SEMA3A: variants seen among roughly 807,000 people sequenced by gnomAD.
SEMA3A encodes the protein semaphorin-3A.
A neutral mutation model predicts 97.9 loss-of-function variants in SEMA3A; 29 were observed. The ratio of observed to expected loss-of-function variants is 0.30; its 90% confidence interval spans 0.22 to 0.40. The LOEUF (loss-of-function observed/expected upper bound fraction) is 0.40, where lower values mean the gene tolerates loss of function less well. SEMA3A is among the 10% of genes least tolerant of loss of function. SEMA3A has a pLI of 1.00. For synonymous variants in SEMA3A, 321 were observed against 323.7 expected (o/e 0.99, Z 0.09); for missense variants, 763 against 951.3 (o/e 0.80, Z 2.60).
At chr7:84,123,131 T>C (rs1028625293) in intron 3 of SEMA3A, among the ~76,000 whole-genome samples, 2 of 152,148 alleles carry the variant, frequency 1.3e-5, no homozygotes, top group Non-Finnish European at 2.9e-5. Flanking sequence ...CAGAGAGCTA[T>C]TGATTCAAAA....
rs146896708 is a variant in SEMA3A at position 84,483,693 on chromosome 7, T to C, written c.-246+8767A>G. Among the ~76,000 whole-genome samples, 443 of 152,058 alleles carry C rather than the reference T, an allele frequency of 2.9e-3. 1 individual carries two copies. The highest frequency in any genetic ancestry group is 0.01 in the African/African-American group (425 of 41,468). On this transcript the variant is annotated intron_variant, in intron 1 of 3. Transcript: ENST00000424555. ...ATGGTAGTCTTTTGAGTCTAGTTGTTAAGGAAAGTTTTCAAAGACTTTGAG... is the reference window on the plus strand; with the variant it reads ...ATGGTAGTCTTTTGAGTCTAGTTGTCAAGGAAAGTTTTCAAAGACTTTGAG...
chr7:84,142,224 C>T (rs1480462847), intron 1 of SEMA3A, among the ~76,000 whole-genome samples: 1 of 152,154 alleles, frequency 6.6e-6, no homozygotes, highest in African/African-American at 2.4e-5. Context: ...TCAACAAAAA[C>T]ACATTTAGTC....
intron 3 of SEMA3A, among the ~76,000 whole-genome samples, chr7:84,128,863 C>T (rs1241035990): frequency 2.0e-5 from 3 of 152,070 alleles, no homozygotes; most frequent in African/African-American, 4.8e-5. Context: ...AATGCAGACA[C>T]ACAGCACAGT....
intron 4 of SEMA3A, among the ~76,000 whole-genome samples, chr7:84,068,541 C>T (rs73378824): frequency 0.014 from 2,159 of 151,534 alleles, 36 homozygotes; most frequent in African/African-American, 0.038. Context: ...TATGTATATG[C>T]GACTATATAT....
chr7:84,128,571 C>T (rs1444302356), intron 3 of SEMA3A, among the ~76,000 whole-genome samples: 1 of 152,100 alleles, frequency 6.6e-6, no homozygotes, highest in Non-Finnish European at 1.5e-5. Flanking sequence ...CTTATTTTTA[C>T]ATACATTCTA....
intron 1 of SEMA3A, among the ~76,000 whole-genome samples, chr7:84,167,844 A>G (rs1780142820): frequency 1.3e-5 from 2 of 152,124 alleles, no homozygotes; most frequent in Non-Finnish European, 2.9e-5. Context: ...TAATATTGAG[A>G]CTAATTTGAT....
intron 3 of SEMA3A, among the ~76,000 whole-genome samples, chr7:84,302,204 G>T (rs976333792): frequency 7.9e-5 from 12 of 151,908 alleles, no homozygotes. Context: ...TTATTTATAT[G>T]AAATACAAAT....
chr7:83,996,840 G>C (rs1790243208), intron 12 of SEMA3A, among the ~76,000 whole-genome samples: 1 of 152,036 alleles, frequency 6.6e-6, no homozygotes, highest in African/African-American at 2.4e-5. Flanking sequence ...GACATTTCTA[G>C]AGTCCTGTAC....
At chr7:84,207,425 T>C (rs1798518596) in intron 3 of SEMA3A, among the ~76,000 whole-genome samples, 1 of 152,212 alleles carries the variant, frequency 6.6e-6, no homozygotes, top group South Asian at 2.1e-4. Flanking sequence ...ATTCTATGTA[T>C]TCCATAACCC....
chr7:84,429,516 T>TATATATA (rs1554385262), intron 1 of SEMA3A, among the ~76,000 whole-genome samples: 3 of 72,420 alleles, frequency 4.1e-5, no homozygotes, highest in African/African-American at 2.1e-4. Context: ...ATAGAGTTTG[T>TATATATA]TATATATATA....
At chr7:84,028,654 G>C (rs1791629841) in intron 6 of SEMA3A, among the ~76,000 whole-genome samples, 1 of 152,118 alleles carries the variant, frequency 6.6e-6, no homozygotes, top group Non-Finnish European at 1.5e-5. Context: ...GACCAGGCTG[G>C]AGTGCAGTGG....
chr7:84,459,761 C>A lies in SEMA3A; in HGVS notation c.-246+32699G>T, dbSNP rs548911057. On this transcript the variant is annotated intron_variant, in intron 1 of 3. Transcript: ENST00000424555. ...ATTTAATCCTGGCAGAGCTTGGTGGCTCACACCTGTAATCCCAGAACTCTG... is the reference window on the plus strand; with the variant it reads ...ATTTAATCCTGGCAGAGCTTGGTGGATCACACCTGTAATCCCAGAACTCTG... Among the ~76,000 whole-genome samples the A allele has an allele frequency of 2.0e-5, 3 of 152,276 alleles. No homozygotes were observed. The South Asian group carries it at 6.2e-4, about 32-fold the overall frequency.
chr7:84,028,254 C>A (rs1386633697), intron 6 of SEMA3A, among the ~76,000 whole-genome samples: 3 of 152,004 alleles, frequency 2.0e-5, no homozygotes, highest in African/African-American at 7.2e-5. Flanking sequence ...TAGAAAAATA[C>A]TTTTATGCTT....
At chr7:84,020,720 G>A (rs568350876) in intron 6 of SEMA3A, among the ~76,000 whole-genome samples, 1 of 151,942 alleles carries the variant, frequency 6.6e-6, no homozygotes, top group Non-Finnish European at 1.5e-5. Context: ...AATACCAAAA[G>A]TATTTATATG....
chr7:84,448,162 G>A (rs1007729835), intron 1 of SEMA3A, among the ~76,000 whole-genome samples: 2 of 152,202 alleles, frequency 1.3e-5, no homozygotes, highest in Admixed American at 6.5e-5. Flanking sequence ...CTGCCAGGTC[G>A]AGTTGGAGGA....
At chr7:84,476,644 A>G (rs1425665983) in intron 1 of SEMA3A, among the ~76,000 whole-genome samples, 2 of 152,312 alleles carry the variant, frequency 1.3e-5, no homozygotes, top group South Asian at 2.1e-4. Context: ...AAAATAAGAT[A>G]TTAAAATCTT....
At chr7:84,303,756 A>C (rs1801083928) in intron 3 of SEMA3A, among the ~76,000 whole-genome samples, 1 of 152,188 alleles carries the variant, frequency 6.6e-6, no homozygotes, top group Admixed American at 6.6e-5. Context: ...ATTGTATTAT[A>C]AAATAGCTTT....
In SEMA3A at chr7:84,134,857, C is replaced by T; in HGVS notation, c.207G>A (p.Leu69=). The change falls in exon 2 of 17, where the codon CTG becomes CTA. Residue 69 remains leucine (L), a synonymous_variant. Transcript: ENST00000265362. ...TFLLDEERSR[L]YVGAKDHIFS... is the part of the protein sequence containing the mutation. ...ATATGTGATCCTTTGCTCCAACATA[C>T]AGCCTACTCCGTTCCTCATCCAAAA... 4 of 1,613,820 alleles carry T rather than the reference C, an allele frequency of 2.5e-6. No homozygotes were observed. Among genetic ancestry groups the T allele is most frequent in the Admixed American group, 1.7e-5 (1 of 59,972 alleles).
In SEMA3A at chr7:84,086,519, T is replaced by TATATAATATATTATTATATTATATTTAC. The variant is rs1554323240; in HGVS notation, c.453+23923_453+23950dup. Among the ~76,000 whole-genome samples, 83 of 73,046 alleles carry TATATAATATATTATTATATTATATTTAC rather than the reference T, an allele frequency of 1.1e-3. 5 individuals carry two copies. The highest frequency in any genetic ancestry group is 2.1e-3 in the Admixed American group (13 of 6,086). The allele number at this position is 73,046 out of a possible 152,430, so 47.9% of individuals were successfully genotyped here. A position where few individuals can be genotyped will look rare whatever the true frequency, so the allele number is the denominator to read the frequency against. ...ATAATATATTATTATATTATATTTA[T>TATATAATATATTATTATATTATATTTAC]ATATAATATATTATTATATTATATT... On this transcript the variant is annotated intron_variant, in intron 4 of 16. Coordinates refer to ENST00000265362, the MANE Select transcript of SEMA3A (RefSeq NM_006080.3).
Sources: gnomAD v4.1 joint callset for allele counts (sites outside exome capture counted in the v4.1 genomes callset) on GRCh38, gnomAD v4.1.1 for gene constraint, MANE v1.5 for transcripts, NCBI Gene and HGNC (gene_info 2026-07-23, HGNC 2026-07-21) for gene names.